Variants in TRABD2B observed in about 807,000 individuals in gnomAD.
The protein encoded by TRABD2B is TraB domain containing 2B.
A neutral mutation model predicts 40.1 loss-of-function variants in TRABD2B; 14 were observed. That is an observed-to-expected ratio of 0.35 (90% CI 0.23 to 0.55). The LOEUF (loss-of-function observed/expected upper bound fraction) is 0.55. Ranked by LOEUF, TRABD2B falls within the 20% of genes least tolerant of loss-of-function variation. TRABD2B has a pLI of 0.90. For synonymous variants in TRABD2B, 263 were observed against 277.0 expected (o/e 0.95, Z 0.50); for missense variants, 541 against 648.6 (o/e 0.83, Z 1.80).
intron 2 of TRABD2B, among the ~76,000 whole-genome samples, chr1:47,863,393 T>TATATATATATATATATATATAA (rs1553159686): frequency 7.4e-6 from 1 of 135,696 alleles, no homozygotes; most frequent in Non-Finnish European, 1.6e-5. Flanking sequence ...TATATATATA[T>TATATATATATATATATATATAA]AATCTCTTAA....
At chr1:47,876,153 T>TA (rs1644222547) in intron 2 of TRABD2B, among the ~76,000 whole-genome samples, 1 of 152,212 alleles carries the variant, frequency 6.6e-6, no homozygotes, top group African/African-American at 2.4e-5. Context: ...CACACAAGCC[T>TA]GACTTGTCAC....
chr1:47,820,494 A>G (rs1475356016), intron 2 of TRABD2B, among the ~76,000 whole-genome samples: 1 of 152,186 alleles, frequency 6.6e-6, no homozygotes, highest in Non-Finnish European at 1.5e-5. Flanking sequence ...GCCTACCTCA[A>G]GCTTGGTGAG....
chr1:47,800,266 G>A (rs1350048611), intron 3 of TRABD2B, among the ~76,000 whole-genome samples: 1 of 152,238 alleles, frequency 6.6e-6, no homozygotes, highest in Non-Finnish European at 1.5e-5. Context: ...TAAAGAGGGT[G>A]AGAGTGTGGT....
In TRABD2B at chr1:47,765,217, G is replaced by A. The variant is rs1644287618; in HGVS notation, c.*685C>T. 6.6e-6 allele frequency: 1 copy of A among 152,330 alleles called. No homozygotes were observed. Among genetic ancestry groups the A allele is most frequent in the African/African-American group, 2.4e-5 (1 of 41,404 alleles). 9.4% of individuals were successfully genotyped at this position (152,330 alleles called of 1,614,324 possible). A position where few individuals can be genotyped will look rare whatever the true frequency, so the allele number is the denominator to read the frequency against. ...TCAGTTTATTCATTTGTTCTGTGGG[G>A]TGGGGACTGCTTTCCTCAGCACCAG... On this transcript the variant is annotated 3_prime_UTR_variant, in exon 7 of 7. Coordinates refer to ENST00000606738, the MANE Select transcript of TRABD2B (RefSeq NM_001194986.2).
chr1:47,895,943 G>A (rs2124666019), intron 2 of TRABD2B, among the ~76,000 whole-genome samples: 1 of 152,362 alleles, frequency 6.6e-6, no homozygotes, highest in South Asian at 2.1e-4. Context: ...CAGTGAAGGG[G>A]GGAAGGTTCC....
intron 2 of TRABD2B, among the ~76,000 whole-genome samples, chr1:47,927,247 G>T (rs2124752143): frequency 1.3e-5 from 2 of 152,348 alleles, no homozygotes; most frequent in Middle Eastern, 6.8e-3. Context: ...ACCACCAGAG[G>T]TGCCGGGTGC....
chr1:47,895,941 G>T lies in TRABD2B; in HGVS notation c.667-94322C>A, dbSNP rs12030734. On this transcript the variant is annotated intron_variant, in intron 2 of 6. Transcript: ENST00000606738. ...ACTGGGACTTGTCCCACCAGTGAAG[G>T]GGGGAAGGTTCCTGTGTGCCTTGGC... Among the ~76,000 whole-genome samples, 3 of 152,216 alleles carry T rather than the reference G, an allele frequency of 2.0e-5. 1 individual carries two copies. The highest frequency in any genetic ancestry group is 1.9e-4 in the East Asian group (1 of 5,178).
rs556312257 is a variant in TRABD2B, at chr1:47,984,209, C to G, written c.666+9825G>C. On this transcript the variant is annotated intron_variant, in intron 2 of 6. Coordinates refer to ENST00000606738, the MANE Select transcript of TRABD2B (RefSeq NM_001194986.2). ...CTTTTATCTTTGCACCGTGGCTGCCCGGGCAGGGCTGGCCGCGCGCCGCGC... is the reference window on the plus strand; with the variant it reads ...CTTTTATCTTTGCACCGTGGCTGCCGGGGCAGGGCTGGCCGCGCGCCGCGC... Among the ~76,000 whole-genome samples the G allele has an allele frequency of 2.9e-4, 44 of 152,344 alleles. No homozygotes were observed. The East Asian group carries it at 7.9e-3, about 28-fold the overall frequency.
chr1:47,819,457 A>G (rs1269982101), intron 2 of TRABD2B: 1 of 152,238 alleles, frequency 6.6e-6, no homozygotes, highest in Admixed American at 6.5e-5. Context: ...GAGGCTTGCT[A>G]AAACTTCAAC....
chr1:47,861,344 G>A (rs969956429), intron 2 of TRABD2B, among the ~76,000 whole-genome samples: 18 of 152,102 alleles, frequency 1.2e-4, no homozygotes, highest in African/African-American at 3.9e-4. Flanking sequence ...GTTGTAAAAC[G>A]TCCTACAATA....
At chr1:47,995,772 A>C (rs1261931048) in intron 1 of TRABD2B, among the ~76,000 whole-genome samples, 1 of 152,198 alleles carries the variant, frequency 6.6e-6, no homozygotes, top group Non-Finnish European at 1.5e-5. Flanking sequence ...AACAACCCCA[A>C]ACTGTTAATC....
chr1:47,978,073 T>G (rs1392540018), intron 2 of TRABD2B, among the ~76,000 whole-genome samples: 2 of 152,076 alleles, frequency 1.3e-5, no homozygotes, highest in East Asian at 3.9e-4. Flanking sequence ...AATTTATACG[T>G]TGAAACCTAA....
intron 2 of TRABD2B, among the ~76,000 whole-genome samples, chr1:47,968,547 T>C (rs1645635956): frequency 6.6e-6 from 1 of 152,114 alleles, no homozygotes; most frequent in South Asian, 2.1e-4. Context: ...GGCATGCACA[T>C]GCGTGCACAC....
At chr1:47,870,591 A>G (rs182345907) in intron 2 of TRABD2B, among the ~76,000 whole-genome samples, 2 of 152,320 alleles carry the variant, frequency 1.3e-5, no homozygotes, top group Non-Finnish European at 2.9e-5. Flanking sequence ...CACACACGGA[A>G]GGAAGGAAAC....
chr1:47,931,004 C>G (rs1034980667), intron 2 of TRABD2B, among the ~76,000 whole-genome samples: 2 of 152,194 alleles, frequency 1.3e-5, no homozygotes, highest in Non-Finnish European at 1.5e-5. Context: ...CATCTGCTTA[C>G]TTTATATATC....
intron 2 of TRABD2B, among the ~76,000 whole-genome samples, chr1:47,854,576 T>A (rs916299060): frequency 1.5e-5 from 2 of 134,782 alleles, no homozygotes; most frequent in Non-Finnish European, 3.4e-5. Flanking sequence ...CAAAACAGAG[T>A]GTAGGGTGCC....
At chr1:47,927,433 G>A (rs186810535) in intron 2 of TRABD2B, among the ~76,000 whole-genome samples, 2 of 152,356 alleles carry the variant, frequency 1.3e-5, no homozygotes, top group East Asian at 3.9e-4. Flanking sequence ...AAGCACTACG[G>A]AGCTGGCTGC....
At chr1:47,872,613 T>C (rs1323168344) in intron 2 of TRABD2B, among the ~76,000 whole-genome samples, 1 of 151,988 alleles carries the variant, frequency 6.6e-6, no homozygotes, top group Non-Finnish European at 1.5e-5. Flanking sequence ...AGAATGAAGA[T>C]GGAGTGAGGG....
chr1:47,845,952 C>T (rs1456514835), intron 2 of TRABD2B, among the ~76,000 whole-genome samples: 12 of 152,208 alleles, frequency 7.9e-5, no homozygotes, highest in Admixed American at 7.9e-4. Flanking sequence ...CAGTACGTTT[C>T]CTCTTTCCAG....
Sources: gnomAD v4.1 joint callset for allele counts (sites outside exome capture counted in the v4.1 genomes callset) on GRCh38, gnomAD v4.1.1 for gene constraint, MANE v1.5 for transcripts, NCBI Gene and HGNC (gene_info 2026-07-23, HGNC 2026-07-21) for gene names.